The following MUSK variants were observed in gnomAD, a reference collection of about 807,000 sequenced individuals.
MUSK encodes muscle, skeletal receptor tyrosine-protein kinase.
Under a neutral mutation model 88.7 loss-of-function variants are expected in MUSK, and 55 were observed. The observed-to-expected ratio is 0.62, with a 90% CI of 0.50 to 0.78. The LOEUF is 0.78. Among genes scored for constraint, MUSK ranks in the 30% least tolerant of loss-of-function variants. The pLI is 0.00. For missense variants in MUSK, 1,015 were observed against 1,074.3 expected, an observed-to-expected ratio of 0.94 and a Z score of 0.77; for synonymous variants, 387 against 391.9, an observed-to-expected ratio of 0.99 and a Z score of 0.15.
rs942234003 is a variant in MUSK, at chr9:110,747,745, T to C, written c.858T>C (p.Asn286=). ...GACTCTACACATGCATAGCTACCAA[T>C]AAGCATGGGGAGAAGTTCAGTACTG... ...KPGLYTCIAT[N]KHGEKFSTAK... is the part of the protein sequence containing the mutation. Residue 286 remains asparagine (N), a synonymous_variant, in exon 7 of 15, where the codon AAT becomes AAC. Coordinates refer to ENST00000374448, the MANE Select transcript of MUSK (RefSeq NM_005592.4). 1 of 1,613,800 alleles carries C rather than the reference T, an allele frequency of 6.2e-7. No individual in the cohort carries two copies. The highest frequency in any genetic ancestry group is 1.1e-5 in the South Asian group (1 of 91,072).
chr9:110,797,162 CAAAAAAAAA>C (rs34924295), intron 14 of MUSK, among the ~76,000 whole-genome samples: 2 of 16,806 alleles, frequency 1.2e-4, no homozygotes, highest in Admixed American at 8.7e-4. Context: ...CATGAATACC[CAAAAAAAAA>C]AAAAAAAAAA....
chr9:110,729,898 G>T (rs547679638), intron 5 of MUSK, among the ~76,000 whole-genome samples: 2 of 151,816 alleles, frequency 1.3e-5, no homozygotes, highest in East Asian at 3.9e-4. Context: ...CTGTCCCTTG[G>T]GCTTTTTATT....
At chr9:110,752,137 G>A (rs1185806209) in intron 7 of MUSK, among the ~76,000 whole-genome samples, 2 of 152,112 alleles carry the variant, frequency 1.3e-5, no homozygotes, top group African/African-American at 4.8e-5. Flanking sequence ...TGTGTCATGA[G>A]TGTGATTGAA....
intron 7 of MUSK, among the ~76,000 whole-genome samples, chr9:110,749,193 T>C (rs2077216527): frequency 6.6e-6 from 1 of 152,206 alleles, no homozygotes. Flanking sequence ...GATGAAAAGT[T>C]AATTTAAAAA....
At chr9:110,785,955 T>C (rs2077851773) in intron 13 of MUSK, among the ~76,000 whole-genome samples, 1 of 148,902 alleles carries the variant, frequency 6.7e-6, no homozygotes, top group African/African-American at 2.4e-5. Context: ...TATATAGTAT[T>C]AATACAATAT....
In MUSK at chr9:110,767,931, T is replaced by C. The variant is rs760965385; in HGVS notation, c.1032T>C (p.Pro344=). ...TTCTCAACACCTCCTATGCGGACCCTGAGGAGGCCCAAGAGCTACTGGTCC... is the reference window on the plus strand; with the variant it reads ...TTCTCAACACCTCCTATGCGGACCCCGAGGAGGCCCAAGAGCTACTGGTCC... ...LVFLNTSYAD[P]EEAQELLVHT... Residue 344 remains proline (P), a synonymous_variant, in exon 9 of 15, where the codon CCT becomes CCC. Transcript: ENST00000374448. 3 of 1,613,820 alleles carry C rather than the reference T, an allele frequency of 1.9e-6. No homozygotes were observed. Among genetic ancestry groups the C allele is most frequent in the Admixed American group, 1.7e-5 (1 of 59,992 alleles).
chr9:110,685,895 A>G (rs1208655173), intron 2 of MUSK, among the ~76,000 whole-genome samples: 1 of 152,096 alleles, frequency 6.6e-6, no homozygotes, highest in African/African-American at 2.4e-5. Context: ...CTATTCATCA[A>G]TTGCAAAGCC....
intron 1 of MUSK, among the ~76,000 whole-genome samples, chr9:110,669,644 T>C (rs903431630): frequency 6.6e-6 from 1 of 152,118 alleles, no homozygotes; most frequent in African/African-American, 2.4e-5. Context: ...GGAAAGCAAC[T>C]TAAGAAACTG....
chr9:110,750,056 T>C (rs72756527), intron 7 of MUSK, among the ~76,000 whole-genome samples: 1,833 of 143,122 alleles, frequency 0.013, 14 homozygotes, highest in South Asian at 0.034. Flanking sequence ...CATATATGTA[T>C]GTATGTGTGT....
chr9:110,688,054 A>G lies in MUSK; in HGVS notation c.358+786A>G, dbSNP rs1366569733. On this transcript the variant is annotated intron_variant, in intron 3 of 14. Transcript: ENST00000374448. ...ACAAGACTGCCAAACACTAGTAGGT[A>G]ATCTCCCAGCCCTCAGTGTTGCTTT... 3.3e-5 allele frequency among the ~76,000 whole-genome samples: 5 copies of G among 152,234 alleles called. No homozygotes were observed. The East Asian group carries it at 5.8e-4, about 18-fold the overall frequency.
At chr9:110,737,449 T>G (rs2077044474) in intron 6 of MUSK, among the ~76,000 whole-genome samples, 1 of 152,112 alleles carries the variant, frequency 6.6e-6, no homozygotes, top group Non-Finnish European at 1.5e-5. Context: ...CTTTCATTTC[T>G]GAATACATTG....
intron 5 of MUSK, 101 bp downstream of exon 5, chr9:110,697,567 C>T (rs1587920602): frequency 1.6e-6 from 2 of 1,231,388 alleles, no homozygotes; most frequent in East Asian, 5.1e-5. Flanking sequence ...GTGGGCAGCC[C>T]ACTTCCCTCA....
At chr9:110,700,298 G>A (rs2076485207) in intron 5 of MUSK, among the ~76,000 whole-genome samples, 2 of 152,172 alleles carry the variant, frequency 1.3e-5, no homozygotes, top group South Asian at 4.1e-4. Flanking sequence ...AGGAAACAGA[G>A]GAATAGAGAG....
chr9:110,695,613 C>G, intron 4 of MUSK, 83 bp downstream of exon 4: 1 of 1,148,840 alleles, frequency 8.7e-7, no homozygotes, highest in East Asian at 2.7e-5. Context: ...TACACACTTA[C>G]AAACTTCTAG....
intron 6 of MUSK, among the ~76,000 whole-genome samples, chr9:110,738,243 C>T (rs1001186813): frequency 2.1e-4 from 32 of 151,952 alleles, no homozygotes; most frequent in African/African-American, 7.7e-4. Flanking sequence ...TATATATTTA[C>T]TTTTCTTAAT....
chr9:110,767,729 C>A, intron 8 of MUSK, 91 bp from the exon 9 acceptor site: 1 of 1,429,232 alleles, frequency 7.0e-7, no homozygotes, highest in South Asian at 1.2e-5. Context: ...ATTTCTGAGA[C>A]ACAGATGTGA....
intron 11 of MUSK, among the ~76,000 whole-genome samples, chr9:110,783,446 A>G (rs1227351367): frequency 2.6e-5 from 4 of 152,048 alleles, no homozygotes; most frequent in Non-Finnish European, 5.9e-5. Flanking sequence ...AATGCTTCAA[A>G]TTTGGGGATT....
At chr9:110,711,532 A>C (rs930074469) in intron 5 of MUSK, among the ~76,000 whole-genome samples, 2 of 152,206 alleles carry the variant, frequency 1.3e-5, no homozygotes, top group African/African-American at 4.8e-5. Context: ...TTAGGCCAAA[A>C]TGAATAGATA....
chr9:110,692,761 T>TTAGA (rs2076375171), intron 3 of MUSK, among the ~76,000 whole-genome samples: 1 of 152,162 alleles, frequency 6.6e-6, no homozygotes, highest in Non-Finnish European at 1.5e-5. Flanking sequence ...ACTTGTATGA[T>TTAGA]ACAATATTCA....
Sources: allele counts gnomAD v4.1 joint callset (sites outside exome capture counted in the v4.1 genomes callset), GRCh38; gene constraint gnomAD v4.1.1; transcripts MANE v1.5; gene names NCBI Gene and HGNC (gene_info 2026-07-23, HGNC 2026-07-21).